The following IQCN variants were observed in gnomAD, a reference collection of about 807,000 sequenced individuals.
IQCN encodes the protein IQ motif containing N, also known as IQ domain-containing protein N.
Under a neutral mutation model 64.4 loss-of-function variants are expected in IQCN, and 46 were observed. The ratio of observed to expected loss-of-function variants is 0.71; its 90% CI spans 0.56 to 0.91. The LOEUF is 0.91. Ranked by LOEUF, IQCN falls within the 40% of genes least tolerant of loss-of-function variation. The pLI is 0.00. For synonymous variants in IQCN, 733 were observed against 775.6 expected (o/e 0.95, Z 0.91); for missense variants, 1,753 against 1,857.4 (o/e 0.94, Z 1.03).
chr19:18,264,906 G>A lies in IQCN; in HGVS notation c.2634C>T (p.Ala878=). Residue 878 remains alanine (A), a synonymous_variant, in exon 3 of 4, where the codon GCC becomes GCT. Transcript: ENST00000392413. This position sits in a 1 kb window ranked among gnomAD's most constrained non-coding sequence, Gnocchi z 4.3. The part of the protein sequence containing the change: ...CQEDTVGSLL[A]SLCAEVAGVL... ...CACCAGCTACTTCAGCACACAAGGAGGCCAGCAGGGAGCCTACCGTGTCCT... is the reference window on the plus strand; with the variant it reads ...CACCAGCTACTTCAGCACACAAGGAAGCCAGCAGGGAGCCTACCGTGTCCT... The A allele has an allele frequency of 1.2e-6, 2 of 1,613,428 alleles. No homozygotes were observed. Among genetic ancestry groups the A allele is most frequent in the Non-Finnish European group, 1.7e-6 (2 of 1,179,962 alleles).
Position 18,266,333 on chromosome 19 carries a change from T to G in IQCN, c.1207A>C (p.Ile403Leu), listed in dbSNP as rs1969582640. 1.2e-6 allele frequency: 2 copies of G among 1,613,058 alleles called. No homozygotes were observed. The highest frequency in any genetic ancestry group is 1.7e-6 in the Non-Finnish European group (2 of 1,179,634). ...CTGGAGGCTGTGGGGTGTACCTGGA[T>G]CTTGGTCATTGTGGGCATGGGGCAT... Reference protein sequence around the residue: ...HTCPMPTMTKIQVHPTASRTG... With the variant: ...HTCPMPTMTKLQVHPTASRTG... The change falls in exon 3 of 4, where the codon ATC (isoleucine) becomes CTC (leucine). Residue 403 changes from isoleucine to leucine, a missense_variant. Transcript: ENST00000392413. This position sits in a 1 kb window ranked among gnomAD's most constrained non-coding sequence, Gnocchi z 4.3.
intron 1 of IQCN, among the ~76,000 whole-genome samples, chr19:18,271,470 A>G (rs74466230): frequency 1.2e-4 from 18 of 147,072 alleles, no homozygotes; most frequent in Non-Finnish European, 2.4e-4. Flanking sequence ...ACTCAGTTCA[A>G]AAAAAAAAAA....
chr19:18,257,177 G>A lies in IQCN; in HGVS notation c.*3C>T. On this transcript the variant is annotated 3_prime_UTR_variant, in exon 4 of 4. Transcript: ENST00000392413. ...GAAGTCCCCACTGCAGGGAGCCAGG[G>A]TCCTAGATGCCAGGCCAATGCATGT... 6.2e-7 allele frequency: 1 copy of A among 1,612,186 alleles called. No homozygotes were observed. The highest frequency in any genetic ancestry group is 8.5e-7 in the Non-Finnish European group (1 of 1,179,956).
chr19:18,267,087 C>T lies in IQCN; in HGVS notation c.453G>A (p.Ser151=), dbSNP rs368387826. 16 of 1,614,138 alleles carry T rather than the reference C, an allele frequency of 9.9e-6. No individual in the cohort carries two copies. Among genetic ancestry groups the T allele is most frequent in the East Asian group, 4.5e-5 (2 of 44,898 alleles). ...NKRHILHSSK[S]LVKKTRAEEG... ...CCTCCGCCCTCGTTTTCTTTACCAA[C>T]GACTTGCTGGAGTGAAGGATGTGTC... is the stretch of plus-strand genomic sequence containing the variant. The change falls in exon 3 of 4, where the codon TCG becomes TCA. Residue 151 remains serine (S), a synonymous_variant. Transcript: ENST00000392413.
intron 1 of IQCN, among the ~76,000 whole-genome samples, chr19:18,270,273 A>C (rs562963244): frequency 9.2e-5 from 14 of 151,604 alleles, no homozygotes; most frequent in Non-Finnish European, 7.4e-5. Context: ...AGGCAGGAGA[A>C]TATCTTGAAC....
Position 18,257,183 on chromosome 19 carries a change from G to A in IQCN, c.4101C>T (p.Ile1367=), listed in dbSNP as rs1047106. 1.2e-6 allele frequency: 2 copies of A among 1,612,710 alleles called. No individual in the cohort carries two copies. The highest frequency in any genetic ancestry group is 1.3e-5 in the African/African-American group (1 of 75,068). ...ASSRHMHWPG[I] Reference sequence around the variant, plus strand: ...CCCACTGCAGGGAGCCAGGGTCCTAGATGCCAGGCCAATGCATGTGCCGTG... The same window carrying A: ...CCCACTGCAGGGAGCCAGGGTCCTAAATGCCAGGCCAATGCATGTGCCGTG... Residue 1367 remains isoleucine (I), a synonymous_variant, in exon 4 of 4, where the codon ATC becomes ATT. Transcript: ENST00000392413.
At chr19:18,272,190 C>T (rs1256537591) in intron 1 of IQCN, among the ~76,000 whole-genome samples, 1 of 147,548 alleles carries the variant, frequency 6.8e-6, no homozygotes, top group African/African-American at 2.5e-5. Flanking sequence ...TGCAGTGGCG[C>T]GATCTCCTTT....
intron 2 of IQCN, 85 bp from the exon 3 acceptor site, chr19:18,267,611 G>A (rs892373589): frequency 8.3e-6 from 12 of 1,442,262 alleles, no homozygotes; most frequent in South Asian, 3.1e-5. Flanking sequence ...TGGCCCCCCA[G>A]GCCCAGATCT....
chr19:18,267,265 T>C lies in IQCN; in HGVS notation c.275A>G (p.Lys92Arg). 1 of 1,614,264 alleles carries C rather than the reference T, an allele frequency of 6.2e-7. No homozygotes were observed. Among genetic ancestry groups the C allele is most frequent in the African/African-American group, 1.3e-5 (1 of 75,080 alleles). ...GTCCATCTCGTCTACCAGGATGTTC[T>C]TGAAGGCCTGGCTCTCGACCACAGC... is the stretch of plus-strand genomic sequence containing the variant. ...LRAVVESQAF[K>R]NILVDEMDMM... The change falls in exon 3 of 4, where the codon AAG (lysine) becomes AGG (arginine). Residue 92 changes from lysine (K) to arginine (R), a missense_variant. Lys to Arg is a conservative substitution (Grantham distance 26). Coordinates refer to ENST00000392413, the MANE Select transcript of IQCN (RefSeq NM_001145304.2).
In IQCN at chr19:18,257,970, G is replaced by T. The variant is rs145253174; in HGVS notation, c.3314C>A (p.Ser1105Tyr). The T allele has an allele frequency of 3.7e-6, 6 of 1,612,548 alleles. No homozygotes were observed. The highest frequency in any genetic ancestry group is 1.3e-5 in the African/African-American group (1 of 75,038). The change falls in exon 4 of 4, where the codon TCC (serine) becomes TAC (tyrosine). Residue 1105 changes from serine (S) to tyrosine (Y), a missense_variant. Physicochemically the swap from Ser to Tyr is moderately radical, Grantham distance 144. Transcript: ENST00000392413. Reference protein sequence around the residue: ...PPRRSGEPMVSMQAAEEIRIL... With the variant: ...PPRRSGEPMVYMQAAEEIRIL... ...GCGGATCTCCTCTGCAGCCTGCATG[G>T]ACACCATTGGCTCCCCGGACCGCCT... is the stretch of plus-strand genomic sequence containing the variant.
Position 18,258,113 on chromosome 19 carries a change from T to C in IQCN, c.3178-7A>G. The C allele has an allele frequency of 6.2e-7, 1 of 1,607,082 alleles. No homozygotes were observed. Among genetic ancestry groups the C allele is most frequent in the South Asian group, 1.1e-5 (1 of 91,072 alleles). ...CACCAGCGTCCGCGGGGCCCTGGAG[T>C]ATAGTGGAGTTCAGGGATGCCTTGT... On this transcript the variant is annotated splice_region_variant and splice_polypyrimidine_tract_variant and intron_variant, in intron 3 of 3. Transcript: ENST00000392413.
chr19:18,268,898 G>C (rs533510472), intron 2 of IQCN, among the ~76,000 whole-genome samples: 1 of 149,390 alleles, frequency 6.7e-6, no homozygotes, highest in South Asian at 2.1e-4. Flanking sequence ...GTAGGCAGAG[G>C]TTGCAGTAAG....
rs973030083 is a variant in IQCN at position 18,265,158 on chromosome 19, T to TGGGGCGCTGAGGCCACC, written c.2365_2381dup (p.Pro795ValfsTer85). 6.2e-7 allele frequency: 1 copy of TGGGGCGCTGAGGCCACC among 1,607,370 alleles called. No homozygotes were observed. Among genetic ancestry groups the TGGGGCGCTGAGGCCACC allele is most frequent in the Non-Finnish European group, 8.5e-7 (1 of 1,179,824 alleles). The stretch of plus-strand genomic sequence containing the variant: ...GTCTGTCCTCTGGCTTGGCCCAGGG[T>TGGGGCGCTGAGGCCACC]GGGGCGCTGAGGCCACCGAGGCGCT... On this transcript the variant is annotated frameshift_variant, in exon 3 of 4. Coordinates refer to ENST00000392413, the MANE Select transcript of IQCN (RefSeq NM_001145304.2). LOFTEE classifies it high-confidence loss of function. This position sits in a 1 kb window ranked among gnomAD's most constrained non-coding sequence, Gnocchi z 4.7.
intron 1 of IQCN, among the ~76,000 whole-genome samples, chr19:18,271,979 T>TTTTG (rs1428774467): frequency 6.6e-6 from 1 of 151,642 alleles, no homozygotes; most frequent in Admixed American, 6.6e-5. Flanking sequence ...ACCCAGCTAA[T>TTTTG]TTTGTTTGTT....
rs1175920374 is a variant in IQCN, at chr19:18,257,168, G to C, written c.*12C>G. 2.5e-6 allele frequency: 4 copies of C among 1,611,042 alleles called. No individual in the cohort carries two copies. Among genetic ancestry groups the C allele is most frequent in the Admixed American group, 3.3e-5 (2 of 59,904 alleles). On this transcript the variant is annotated 3_prime_UTR_variant, in exon 4 of 4. Coordinates refer to ENST00000392413, the MANE Select transcript of IQCN (RefSeq NM_001145304.2). The stretch of plus-strand genomic sequence containing the variant: ...GCCTCCCACGAAGTCCCCACTGCAG[G>C]GAGCCAGGGTCCTAGATGCCAGGCC...
chr19:18,270,286 G>C (rs1401602927), intron 1 of IQCN, among the ~76,000 whole-genome samples: 1 of 151,200 alleles, frequency 6.6e-6, no homozygotes, highest in African/African-American at 2.4e-5. Context: ...TCTTGAACCT[G>C]GGAGGCAGAG....
Position 18,264,192 on chromosome 19 carries a change from C to T in IQCN, c.3177+171G>A, listed in dbSNP as rs1399282460. 6.6e-6 allele frequency among the ~76,000 whole-genome samples: 1 copy of T among 152,110 alleles called. No homozygotes were observed. Among genetic ancestry groups the T allele is most frequent in the Non-Finnish European group, 1.5e-5 (1 of 68,012 alleles). On this transcript the variant is annotated intron_variant, in intron 3 of 3. Transcript: ENST00000392413. This position sits in a 1 kb window ranked among gnomAD's most constrained non-coding sequence, Gnocchi z 4.3. ...GGGATACAGGCCAGTGATCAGGGGA[C>T]CCTGGTGAATGCTGGTGATGACGCT...
chr19:18,257,329 G>C lies in IQCN; in HGVS notation c.3955C>G (p.Gln1319Glu). The change falls in exon 4 of 4, where the codon CAG becomes GAG. Residue 1319 changes from glutamine (Q) to glutamate (E), a missense_variant. Gln to Glu is a conservative substitution (Grantham distance 29, BLOSUM62 2). Coordinates refer to ENST00000392413, the MANE Select transcript of IQCN (RefSeq NM_001145304.2). ...SAWRGFKIRQ[Q>E]MRQQQMAAKI... ...GCTGCCATTTGCTGCTGCCTCATCT[G>C]CTGGCGGATCTTAAAGCCCCTCCAG... 1 of 1,613,286 alleles carries C rather than the reference G, an allele frequency of 6.2e-7. No homozygotes were observed. The highest frequency in any genetic ancestry group is 8.5e-7 in the Non-Finnish European group (1 of 1,179,922).
Position 18,266,730 on chromosome 19 carries a change from G to A in IQCN, c.810C>T (p.Cys270=). ...CLLTRTIRST[C]LVHIEGDSVK... ...CTGAGTCACCCTCTATGTGGACGAG[G>A]CAGGTGCTTCTGATGGTTCTGGTCA... The change falls in exon 3 of 4, where the codon TGC becomes TGT. Residue 270 remains cysteine (C), a synonymous_variant. Transcript: ENST00000392413. The surrounding 1 kb of genome is among the most constrained non-coding windows in gnomAD (Gnocchi z 4.3). 1.9e-6 allele frequency: 3 copies of A among 1,614,126 alleles called. No homozygotes were observed. The highest frequency in any genetic ancestry group is 2.2e-5 in the East Asian group (1 of 44,872).
Sources: gnomAD v4.1 joint callset for allele counts (sites outside exome capture counted in the v4.1 genomes callset) on GRCh38, gnomAD v4.1.1 for gene constraint, Gnocchi (gnomAD v3.1) non-coding constraint, MANE v1.5 for transcripts, NCBI Gene and HGNC (gene_info 2026-07-23, HGNC 2026-07-21) for gene names.